The following SPATA7 variants were observed in gnomAD, a reference collection of about 807,000 sequenced individuals.
SPATA7 encodes spermatogenesis-associated protein 7.
A neutral mutation model predicts 51.8 loss-of-function variants in SPATA7; 43 were observed. The ratio of observed to expected loss-of-function variants is 0.83; its 90% CI spans 0.65 to 1.07. The LOEUF (loss-of-function observed/expected upper bound fraction) is 1.07, where lower values mean the gene tolerates loss of function less well. SPATA7 is among the 50% of genes least tolerant of loss of function. SPATA7 has a pLI of 0.00. For synonymous variants in SPATA7, 230 were observed against 252.8 expected (o/e 0.91, Z 0.86); for missense variants, 683 against 701.3 (o/e 0.97, Z 0.30).
intron 9 of SPATA7, among the ~76,000 whole-genome samples, chr14:88,431,615 C>T (rs898881822): frequency 6.6e-6 from 1 of 152,108 alleles, no homozygotes; most frequent in Admixed American, 6.6e-5. Flanking sequence ...CCCTCATTCC[C>T]GTCTACCCTT....
intron 3 of SPATA7, among the ~76,000 whole-genome samples, chr14:88,444,809 A>G (rs1308567548): frequency 6.6e-6 from 1 of 152,092 alleles, no homozygotes; most frequent in Admixed American, 6.5e-5. Context: ...ATGCGGCGTT[A>G]TTTCTGAGGC....
Position 88,438,387 on chromosome 14 carries a change from G to A in SPATA7, c.1765G>A (p.Glu589Lys), listed in dbSNP as rs758320089. The A allele has an allele frequency of 6.2e-6, 10 of 1,613,966 alleles. No individual in the cohort carries two copies. The highest frequency in any genetic ancestry group is 8.5e-6 in the Non-Finnish European group (10 of 1,179,962). The change falls in exon 12 of 12, where the codon GAA becomes AAA. Residue 589 changes from glutamate to lysine, a missense_variant. Transcript: ENST00000393545. ...DMELSTLKIM[E>K]MSIEDCPLDV ...GGAGTTATCAACTCTTAAAATCATG[G>A]AAATGAGCATTGAGGACTGCCCTTT...
intron 4 of SPATA7, among the ~76,000 whole-genome samples, chr14:88,402,253 A>G (rs902659971): frequency 6.6e-6 from 1 of 152,356 alleles, no homozygotes; most frequent in African/African-American, 2.4e-5. Flanking sequence ...TGCAATCCCT[A>G]TAGAAATCCC....
chr14:88,462,977 G>A (rs973717465), intron 4 of SPATA7, among the ~76,000 whole-genome samples: 4 of 152,134 alleles, frequency 2.6e-5, no homozygotes, highest in Non-Finnish European at 4.4e-5. Context: ...GTGTTTAGAT[G>A]TTCTTTAGAT....
chr14:88,422,474 A>T (rs552749132), intron 5 of SPATA7, among the ~76,000 whole-genome samples: 1 of 151,834 alleles, frequency 6.6e-6, no homozygotes, highest in African/African-American at 2.4e-5. Context: ...TGTTTCTATT[A>T]TTCAGCATGA....
intron 4 of SPATA7, among the ~76,000 whole-genome samples, chr14:88,399,558 C>A (rs371279771): frequency 1.3e-5 from 2 of 152,008 alleles, no homozygotes; most frequent in Admixed American, 6.6e-5. Flanking sequence ...TTCTAAGGAC[C>A]CTTCCAGATT....
At chr14:88,393,663 T>C (rs1311171702) in intron 3 of SPATA7, 175 bp downstream of exon 3, 2 of 528,552 alleles carry the variant, frequency 3.8e-6, no homozygotes, top group Non-Finnish European at 6.8e-6. Context: ...TTCATACCCA[T>C]TTTTGTTAAC....
chr14:88,391,935 G>T (rs1395723782), intron 2 of SPATA7, among the ~76,000 whole-genome samples: 3 of 152,142 alleles, frequency 2.0e-5, no homozygotes, highest in African/African-American at 4.8e-5. Context: ...ACATTTTTAA[G>T]GTAGGTTTTA....
At chr14:88,448,987 A>G (rs1197019737) in intron 3 of SPATA7, among the ~76,000 whole-genome samples, 1 of 151,768 alleles carries the variant, frequency 6.6e-6, no homozygotes, top group Non-Finnish European at 1.5e-5. Context: ...TGGTCTATCA[A>G]TTTCATTTCT....
chr14:88,439,636 T>C (rs879353578), downstream of SPATA7, among the ~76,000 whole-genome samples: 5 of 152,194 alleles, frequency 3.3e-5, no homozygotes, highest in Non-Finnish European at 7.3e-5. Context: ...CGGGTTTTTA[T>C]CATCCTTTGG....
chr14:88,441,874 G>C (rs2077180660), downstream of SPATA7, among the ~76,000 whole-genome samples: 1 of 152,062 alleles, frequency 6.6e-6, no homozygotes, highest in Non-Finnish European at 1.5e-5. Context: ...CTCTGTTTTT[G>C]ATGCATTTGC....
chr14:88,434,647 C>T (rs1274294278), intron 10 of SPATA7, among the ~76,000 whole-genome samples: 1 of 149,408 alleles, frequency 6.7e-6, no homozygotes, highest in Non-Finnish European at 1.5e-5. Flanking sequence ...GATCGCGCCA[C>T]CGCACTCCAT....
At chr14:88,401,139 G>A (rs73321850) in intron 4 of SPATA7, among the ~76,000 whole-genome samples, 5,368 of 152,186 alleles carry the variant, frequency 0.035, 310 homozygotes, top group African/African-American at 0.12. Flanking sequence ...TGTTAAAAGA[G>A]TCAAACACCA....
At chr14:88,399,255 TAGGTCATAGCTACAAACACA>T (rs2075990163) in intron 4 of SPATA7, among the ~76,000 whole-genome samples, 1 of 152,160 alleles carries the variant, frequency 6.6e-6, no homozygotes, top group Non-Finnish European at 1.5e-5. Context: ...CTACCAGCTA[TAGGTCATAGCTACAAACACA>T]GTGTCTGTCT....
intron 3 of SPATA7, among the ~76,000 whole-genome samples, chr14:88,448,705 T>A (rs531476431): frequency 9.2e-5 from 14 of 152,184 alleles, no homozygotes; most frequent in Non-Finnish European, 1.9e-4. Context: ...CTTCTAACAG[T>A]CAGGACCCTC....
chr14:88,460,817 C>A (rs144838847), intron 4 of SPATA7, among the ~76,000 whole-genome samples: 3 of 151,700 alleles, frequency 2.0e-5, no homozygotes, highest in Non-Finnish European at 4.4e-5. Flanking sequence ...TTTCTGCTCT[C>A]TTTTTTCCCC....
At chr14:88,437,062 G>T (rs2077108557) in intron 10 of SPATA7, among the ~76,000 whole-genome samples, 2 of 150,390 alleles carry the variant, frequency 1.3e-5, no homozygotes, top group Non-Finnish European at 3.0e-5. Flanking sequence ...CATGAATTTG[G>T]AATATTTTTC....
At chr14:88,451,678 C>T (rs1595314605) in intron 3 of SPATA7, among the ~76,000 whole-genome samples, 1 of 151,804 alleles carries the variant, frequency 6.6e-6, no homozygotes, top group South Asian at 2.1e-4. Context: ...GCGCCCACCA[C>T]CATGCCTAGC....
At chr14:88,427,148 A>G (rs1377774822) in intron 6 of SPATA7, among the ~76,000 whole-genome samples, 1 of 152,214 alleles carries the variant, frequency 6.6e-6, no homozygotes, top group Non-Finnish European at 1.5e-5. Context: ...GCCAGTCTTC[A>G]TAGCAACAAC....
Sources: allele counts gnomAD v4.1 joint callset (sites outside exome capture counted in the v4.1 genomes callset), GRCh38; gene constraint gnomAD v4.1.1; transcripts MANE v1.5; gene names NCBI Gene and HGNC (gene_info 2026-07-23, HGNC 2026-07-21).